The following HARS1 variants were observed in gnomAD, a reference collection of about 807,000 sequenced individuals.
The protein encoded by HARS1 is histidine--tRNA ligase, cytoplasmic.
Under a neutral mutation model 63.6 loss-of-function variants are expected in HARS1, and 45 were observed. That is an observed-to-expected ratio of 0.71 (90% CI 0.56 to 0.91). The LOEUF (loss-of-function observed/expected upper bound fraction) is 0.91, where lower values mean the gene tolerates loss of function less well. Ranked by LOEUF, HARS1 falls within the 40% of genes least tolerant of loss-of-function variation. The pLI is 0.00. For missense variants in HARS1, 508 were observed against 643.2 expected, an observed-to-expected ratio of 0.79 and a Z score of 2.27; for synonymous variants, 205 against 247.1, an observed-to-expected ratio of 0.83 and a Z score of 1.60.
chr5:140,687,092 A>G (rs1486778190), intron 2 of HARS1, among the ~76,000 whole-genome samples: 1 of 152,254 alleles, frequency 6.6e-6, no homozygotes, highest in African/African-American at 2.4e-5. Flanking sequence ...CTATGAAAAA[A>G]GTAGCTAGAT....
intron 5 of HARS1, 150 bp from the exon 6 acceptor site, chr5:140,678,165 G>A (rs1039105855): frequency 1.3e-5 from 8 of 605,700 alleles, no homozygotes; most frequent in Non-Finnish European, 2.4e-5. Context: ...GTAAACCCCG[G>A]CATCTTTGGG....
Position 140,674,159 on chromosome 5 carries a change from G to A in HARS1, c.*98C>T, listed in dbSNP as rs1758205174. 1.2e-6 allele frequency: 1 copy of A among 816,726 alleles called. No individual in the cohort carries two copies. Among genetic ancestry groups the A allele is most frequent in the Non-Finnish European group, 2.2e-6 (1 of 455,642 alleles). The allele number at this position is 816,726 out of a possible 1,614,324, so 50.6% of individuals were successfully genotyped here. A position where few individuals can be genotyped will look rare whatever the true frequency, so the allele number is the denominator to read the frequency against. ...CTGACCACTCTTCAGGTCTTCCGCT[G>A]AAACGGAAAAGTGCAAAGCAATTGA... On this transcript the variant is annotated 3_prime_UTR_variant, in exon 13 of 13. Transcript: ENST00000504156.
chr5:140,689,418 A>C (rs1759233193), intron 2 of HARS1, among the ~76,000 whole-genome samples: 1 of 151,322 alleles, frequency 6.6e-6, no homozygotes, highest in Admixed American at 6.6e-5. Context: ...TTGCTATACT[A>C]TATTTTTTAT....
intron 2 of HARS1, among the ~76,000 whole-genome samples, chr5:140,690,489 A>G (rs147001782): frequency 6.6e-6 from 1 of 152,272 alleles, no homozygotes; most frequent in East Asian, 1.9e-4. Flanking sequence ...TATTTGTTCT[A>G]AGTCTCTCTC....
intron 8 of HARS1, 58 bp downstream of exon 8, chr5:140,677,269 A>C (rs1758436470): frequency 2.1e-6 from 3 of 1,446,580 alleles, no homozygotes; most frequent in Non-Finnish European, 2.9e-6. Context: ...GAACAGTTTC[A>C]ACTTTAGGAC....
Position 140,691,197 on chromosome 5 carries a change from C to G in HARS1, c.90+18G>C, listed in dbSNP as rs749824202. ...CCAGGCTTTGCCTTGGCCCTCTCCC[C>G]TGCTGCCTAAATCTCACCAGCTCGG... On this transcript the variant is annotated intron_variant, in intron 1 of 12. Coordinates refer to ENST00000504156, the MANE Select transcript of HARS1 (RefSeq NM_002109.6). 1 of 1,575,344 alleles carries G rather than the reference C, an allele frequency of 6.3e-7. No homozygotes were observed. The highest frequency in any genetic ancestry group is 2.2e-5 in the East Asian group (1 of 44,664).
Position 140,679,671 on chromosome 5 carries a change from A to G in HARS1, c.396+117T>C. 1.8e-6 allele frequency: 1 copy of G among 563,338 alleles called. No homozygotes were observed. Among genetic ancestry groups the G allele is most frequent in the Non-Finnish European group, 3.2e-6 (1 of 311,116 alleles). 34.9% of individuals were successfully genotyped at this position (563,338 alleles called of 1,614,324 possible). A position where few individuals can be genotyped will look rare whatever the true frequency, so the allele number is the denominator to read the frequency against. ...GTTCCACTCCTGGTTTAGAGAAATA[A>G]TTCCCCTAATCGCCAAAGGCCTCAT... On this transcript the variant is annotated intron_variant, in intron 4 of 12. Transcript: ENST00000504156. The surrounding 1 kb of genome is among the most constrained non-coding windows in gnomAD (Gnocchi z 4.3).
At position 140,676,621 on chromosome 5, in the gene HARS1, C is replaced by T; in HGVS notation, c.1194+33G>A. The stretch of plus-strand genomic sequence containing the variant: ...GATAGCTTAGGTGCCACCACCTGCT[C>T]AGACTATCTTCTACCTACCTCCTAG... On this transcript the variant is annotated intron_variant, in intron 10 of 12. Coordinates refer to ENST00000504156, the MANE Select transcript of HARS1 (RefSeq NM_002109.6). This position sits in a 1 kb window ranked among gnomAD's most constrained non-coding sequence, Gnocchi z 4.1. 1 of 1,602,712 alleles carries T rather than the reference C, an allele frequency of 6.2e-7. No individual in the cohort carries two copies. The highest frequency in any genetic ancestry group is 8.5e-7 in the Non-Finnish European group (1 of 1,171,216).
intron 2 of HARS1, among the ~76,000 whole-genome samples, chr5:140,687,083 T>C (rs944322259): frequency 8.5e-5 from 13 of 152,252 alleles, no homozygotes; most frequent in African/African-American, 2.2e-4. Context: ...CAAGATGTTC[T>C]ATGAAAAAAG....
Position 140,683,019 on chromosome 5 carries a change from C to T in HARS1, c.300+81G>A. On this transcript the variant is annotated intron_variant, in intron 3 of 12. Coordinates refer to ENST00000504156, the MANE Select transcript of HARS1 (RefSeq NM_002109.6). ...CACAACAGGAGTGGGCCCTTTGGAC[C>T]CTCACTCTCTTGTTGTCATCTTCTT... The T allele has an allele frequency of 2.2e-6, 3 of 1,364,220 alleles. No individual in the cohort carries two copies. The South Asian group carries it at 3.9e-5, about 18-fold the overall frequency. 84.5% of individuals were successfully genotyped at this position (1,364,220 alleles called of 1,614,324 possible).
chr5:140,678,858 C>CA lies in HARS1; in HGVS notation c.522+143dup, dbSNP rs1161465610. The CA allele has an allele frequency of 4.4e-5, 38 of 866,326 alleles. No individual in the cohort carries two copies. In the East Asian group the frequency reaches 1.0e-3, roughly 23 times the overall value. The allele number at this position is 866,326 out of a possible 1,614,324, so 53.7% of individuals were successfully genotyped here. On this transcript the variant is annotated intron_variant, in intron 5 of 12. Transcript: ENST00000504156. ...GACTCCGTCTCAAAAAAACAAAAAA[C>CA]AAACAAAAAAACCACCATAGAAACC...
chr5:140,681,583 C>T (rs1287432883), intron 3 of HARS1, among the ~76,000 whole-genome samples: 5 of 152,042 alleles, frequency 3.3e-5, no homozygotes, highest in Admixed American at 2.6e-4. Context: ...GCAGGAGAAT[C>T]GCTTGAACCT....
At chr5:140,690,386 C>T (rs1301912334) in intron 2 of HARS1, among the ~76,000 whole-genome samples, 1 of 151,856 alleles carries the variant, frequency 6.6e-6, no homozygotes, top group East Asian at 1.9e-4. Context: ...CAGGAGGCAG[C>T]GGCTGCAGTG....
chr5:140,681,840 C>CTATGGTACTTTGT (rs1460486762), intron 3 of HARS1, among the ~76,000 whole-genome samples: 1 of 152,142 alleles, frequency 6.6e-6, no homozygotes, highest in Non-Finnish European at 1.5e-5. Flanking sequence ...ACTACCTAGT[C>CTATGGTACTTTGT]TATGGTACTT....
chr5:140,685,376 T>G (rs1392367571), intron 2 of HARS1: 7 of 152,080 alleles, frequency 4.6e-5, no homozygotes, highest in Admixed American at 4.6e-4. Context: ...TGGATAATGG[T>G]GATGGTTATG....
At chr5:140,674,629 A>C in intron 12 of HARS1, 50 bp downstream of exon 12, 1 of 1,607,852 alleles carries the variant, frequency 6.2e-7, no homozygotes, top group Non-Finnish European at 8.5e-7. Flanking sequence ...TGGGCCTGCC[A>C]AAATGGCATA....
intron 1 of HARS1, 36 bp from the exon 2 acceptor site, chr5:140,690,980 G>T: frequency 8.4e-7 from 1 of 1,190,308 alleles, no homozygotes; most frequent in Non-Finnish European, 1.3e-6. Context: ...CTATCCATCT[G>T]TCACTCTCCT....
chr5:140,677,795 T>C, intron 6 of HARS1, 42 bp from the exon 7 acceptor site: 2 of 1,423,530 alleles, frequency 1.4e-6, no homozygotes, highest in Non-Finnish European at 2.0e-6. Context: ...ATCTCTTTTC[T>C]TACATGACCT....
At chr5:140,678,106 G>A (rs1758501853) in intron 5 of HARS1, 91 bp from the exon 6 acceptor site, 10 of 715,384 alleles carry the variant, frequency 1.4e-5, no homozygotes, top group South Asian at 1.4e-4. Context: ...AGGCCTGGTT[G>A]CACTCAAGCA....
Sources: gnomAD v4.1 joint callset for allele counts (sites outside exome capture counted in the v4.1 genomes callset) on GRCh38, gnomAD v4.1.1 for gene constraint, Gnocchi (gnomAD v3.1) non-coding constraint, MANE v1.5 for transcripts, NCBI Gene and HGNC (gene_info 2026-07-23, HGNC 2026-07-21) for gene names.